Variants in RANBP2 observed in about 807,000 individuals in gnomAD.
The protein encoded by RANBP2 is RAN binding protein 2.
A neutral mutation model predicts 303.6 loss-of-function variants in RANBP2; 57 were observed. The observed-to-expected ratio is 0.19, with a 90% CI of 0.15 to 0.23. The LOEUF (loss-of-function observed/expected upper bound fraction) is 0.23, where lower values mean the gene tolerates loss of function less well. Among genes scored for constraint, RANBP2 ranks in the 10% least tolerant of loss-of-function variants. RANBP2 has a pLI of 1.00. For synonymous variants in RANBP2, 1,167 were observed against 1,301.5 expected (o/e 0.90, Z 2.23); for missense variants, 3,138 against 3,780.8 (o/e 0.83, Z 4.46).
the RANBP2 span, among the ~76,000 whole-genome samples, chr2:109,491,522 G>T: frequency 2.0e-5 from 3 of 152,138 alleles, no homozygotes. Flanking sequence ...TTCAGCCTAG[G>T]TTTTTACCGA....
At chr2:109,799,230 T>G in the RANBP2 span, among the ~76,000 whole-genome samples, 2 of 113,244 alleles carry the variant, frequency 1.8e-5, no homozygotes, top group African/African-American at 7.5e-5. Flanking sequence ...AGAGCAAGAC[T>G]CCATCTCAAA....
the RANBP2 span, chr2:109,760,389 AGGCGGGGCGGG>A: frequency 5.4e-6 from 2 of 370,572 alleles, no homozygotes; most frequent in East Asian, 3.8e-4. Flanking sequence ...GCCGGGGGCC[AGGCGGGGCGGG>A]GGCGGCGGCG....
chr2:109,375,342 AC>A, the RANBP2 span, among the ~76,000 whole-genome samples: 1 of 152,164 alleles, frequency 6.6e-6, no homozygotes, highest in Non-Finnish European at 1.5e-5. Context: ...CCACGCCAGG[AC>A]CCAGGGCACG....
the RANBP2 span, among the ~76,000 whole-genome samples, chr2:109,568,927 T>C: frequency 2.0e-5 from 3 of 152,228 alleles, no homozygotes; most frequent in Non-Finnish European, 4.4e-5. Flanking sequence ...GTCCTATCAC[T>C]GACAGAGGGC....
At chr2:108,875,666 T>A in the RANBP2 span, among the ~76,000 whole-genome samples, 7 of 152,258 alleles carry the variant, frequency 4.6e-5, no homozygotes, top group South Asian at 1.2e-3. Context: ...AAGACCAGCC[T>A]TAGCAACATA....
chr2:108,900,384 T>C, the RANBP2 span, among the ~76,000 whole-genome samples: 1 of 152,026 alleles, frequency 6.6e-6, no homozygotes, highest in African/African-American at 2.4e-5. Context: ...GGTGAAACCC[T>C]GTTTCTACTA....
At chr2:108,942,274 G>A in the RANBP2 span, among the ~76,000 whole-genome samples, 10 of 152,242 alleles carry the variant, frequency 6.6e-5, no homozygotes, top group Non-Finnish European at 1.3e-4. Context: ...AGGTCACACA[G>A]ACAGAGGTGG....
chr2:108,816,088 CAGG>C, the RANBP2 span: 1 of 1,609,768 alleles, frequency 6.2e-7, no homozygotes, highest in Non-Finnish European at 8.5e-7. Context: ...AAATGATATT[CAGG>C]AGAAGTGTGT....
chr2:109,654,524 G>A, the RANBP2 span, among the ~76,000 whole-genome samples: 11 of 151,756 alleles, frequency 7.2e-5, no homozygotes, highest in African/African-American at 9.7e-5. Context: ...ACTGCCATAC[G>A]CCTCATTACT....
At chr2:109,421,106 G>T in the RANBP2 span, among the ~76,000 whole-genome samples, 1 of 152,208 alleles carries the variant, frequency 6.6e-6, no homozygotes, top group Non-Finnish European at 1.5e-5. Flanking sequence ...TGCCAAGGAG[G>T]CACATGGAAA....
chr2:109,526,889 GTCTGCCTC>G, the RANBP2 span, among the ~76,000 whole-genome samples: 6 of 152,224 alleles, frequency 3.9e-5, no homozygotes, highest in South Asian at 1.2e-3. Flanking sequence ...TCAGAGATGT[GTCTGCCTC>G]AGCCAGCACA....
chr2:109,161,644 A>G, the RANBP2 span, among the ~76,000 whole-genome samples: 1 of 151,878 alleles, frequency 6.6e-6, no homozygotes. Context: ...GTCTCAGGCT[A>G]CTTCTGCTTG....
At chr2:109,509,586 G>T in the RANBP2 span, among the ~76,000 whole-genome samples, 1 of 151,968 alleles carries the variant, frequency 6.6e-6, no homozygotes, top group South Asian at 2.1e-4. Context: ...AATTTATGGG[G>T]TGCAATTTTG....
chr2:109,157,884 A>G, the RANBP2 span, among the ~76,000 whole-genome samples: 1 of 152,230 alleles, frequency 6.6e-6, no homozygotes, highest in African/African-American at 2.4e-5. Flanking sequence ...GGAGACCCTC[A>G]GGATGGCTTT....
At chr2:108,729,042 C>A in intron 1 of RANBP2, 90 bp from the exon 2 acceptor site, 1 of 1,419,326 alleles carries the variant, frequency 7.0e-7, no homozygotes, top group Non-Finnish European at 9.5e-7. Context: ...CGTATTTGAA[C>A]ATCAACTTAG....
chr2:108,946,769 G>A, the RANBP2 span, among the ~76,000 whole-genome samples: 5 of 152,050 alleles, frequency 3.3e-5, no homozygotes, highest in African/African-American at 7.2e-5. Context: ...GGGGGAAAGC[G>A]CCCCATGATC....
At chr2:109,387,262 A>G in the RANBP2 span, among the ~76,000 whole-genome samples, 1 of 152,212 alleles carries the variant, frequency 6.6e-6, no homozygotes, top group African/African-American at 2.4e-5. Context: ...GTAGCTTCCA[A>G]GTGCCTCACC....
At chr2:108,789,106 A>G (rs1021575831), downstream of RANBP2, 4 of 666,236 alleles carry the variant, frequency 6.0e-6, no homozygotes, top group Non-Finnish European at 9.8e-6. Flanking sequence ...AGCCTGCTAA[A>G]TAGTTGAAGC....
the RANBP2 span, among the ~76,000 whole-genome samples, chr2:109,163,390 C>T: frequency 2.7e-3 from 192 of 70,166 alleles, no homozygotes; most frequent in African/African-American, 3.5e-3. Context: ...AGCAAATATT[C>T]TTTTTTTTTT....
Sources: gnomAD v4.1 joint callset for allele counts (sites outside exome capture counted in the v4.1 genomes callset) on GRCh38, gnomAD v4.1.1 for gene constraint, MANE v1.5 for transcripts, NCBI Gene and HGNC (gene_info 2026-07-23, HGNC 2026-07-21) for gene names.